Variants in GLI4 observed in about 807,000 individuals in gnomAD.
GLI4 encodes the protein zinc finger protein GLI4.
Under a neutral mutation model 30.9 loss-of-function variants are expected in GLI4, and 34 were observed. The ratio of observed to expected loss-of-function variants is 1.10; its 90% CI spans 0.84 to 1.47. The LOEUF (loss-of-function observed/expected upper bound fraction) is 1.47, where lower values mean the gene tolerates loss of function less well. GLI4 is among the 40% of genes most tolerant of loss of function. The pLI is 0.00. For synonymous variants in GLI4, 277 were observed against 236.7 expected, an observed-to-expected ratio of 1.17 and a Z score of -1.56; for missense variants, 696 against 538.9, an observed-to-expected ratio of 1.29 and a Z score of -2.89.
At chr8:143,270,018 G>T (rs1490183903) in intron 2 of GLI4, among the ~76,000 whole-genome samples, 12 of 152,220 alleles carry the variant, frequency 7.9e-5, no homozygotes, top group Admixed American at 7.8e-4. Context: ...AGGTGTGGGG[G>T]AGTCCCAGCC....
At chr8:143,272,093 G>A (rs1815280627) in intron 2 of GLI4, among the ~76,000 whole-genome samples, 1 of 152,232 alleles carries the variant, frequency 6.6e-6, no homozygotes. Flanking sequence ...TCCTGCGAGT[G>A]GAGGGGCAGT....
chr8:143,275,911 C>T lies in GLI4; in HGVS notation c.238C>T (p.Pro80Ser). Residue 80 changes from proline (P) to serine (S), a missense_variant, in exon 4 of 4, where the codon CCG (proline) becomes TCG (serine). Coordinates refer to ENST00000340042, the MANE Select transcript of GLI4 (RefSeq NM_138465.4). ...TCTCATTTCAGACTCCGAGCCCAAGCCGGAGCAGGCTCCACGCTCTCCTGG... is the reference window on the plus strand; with the variant it reads ...TCTCATTTCAGACTCCGAGCCCAAGTCGGAGCAGGCTCCACGCTCTCCTGG... The part of the protein sequence containing the change: ...DTFWPDSEPK[P>S]EQAPRSPGSQ... 7.7e-7 allele frequency: 1 copy of T among 1,297,906 alleles called. No homozygotes were observed. The highest frequency in any genetic ancestry group is 9.8e-7 in the Non-Finnish European group (1 of 1,020,710). 80.4% of individuals were successfully genotyped at this position (1,297,906 alleles called of 1,614,324 possible). A position where few individuals can be genotyped will look rare whatever the true frequency, so the allele number is the denominator to read the frequency against.
intron 1 of GLI4, 48 bp from the exon 2 acceptor site, chr8:143,269,312 G>A (rs930937432): frequency 2.4e-5 from 35 of 1,455,754 alleles, no homozygotes; most frequent in African/African-American, 1.5e-4. Flanking sequence ...CCATCCCCCC[G>A]ACATTCCTCC....
intron 3 of GLI4, chr8:143,275,533 C>G: frequency 7.9e-7 from 1 of 1,263,942 alleles, no homozygotes; most frequent in Non-Finnish European, 9.9e-7. Context: ...CCCTCTGGAG[C>G]TCTGGCGTCC....
chr8:143,267,973 G>A (rs1486558229), intron 1 of GLI4: 1 of 985,312 alleles, frequency 1.0e-6, no homozygotes, highest in Non-Finnish European at 1.2e-6. Context: ...CTTCAGTCTG[G>A]AGCTCAGAGT....
chr8:143,267,770 C>T (rs749103873), intron 1 of GLI4: 3 of 985,306 alleles, frequency 3.0e-6, no homozygotes, highest in South Asian at 4.7e-5. Context: ...TCGTCATCGC[C>T]ACTCTGCAGA....
At chr8:143,269,609 C>A in intron 2 of GLI4, 89 bp downstream of exon 2, 1 of 1,152,874 alleles carries the variant, frequency 8.7e-7, no homozygotes, top group Non-Finnish European at 1.3e-6. Context: ...GCCACGCTGG[C>A]TGACTTGAGA....
At chr8:143,269,669 C>T (rs1372404445) in intron 2 of GLI4, 149 bp downstream of exon 2, 2 of 720,358 alleles carry the variant, frequency 2.8e-6, no homozygotes, top group African/African-American at 3.5e-5. Context: ...GGGGTTCCCA[C>T]ACCCTCAGGC....
intron 1 of GLI4, 168 bp downstream of exon 1, chr8:143,267,652 G>T: frequency 1.7e-5 from 17 of 985,378 alleles, no homozygotes; most frequent in African/African-American, 1.7e-5. Flanking sequence ...AGCGGGGTGG[G>T]CTCCTGGGGG....
At chr8:143,268,227 G>T (rs1815183264) in intron 1 of GLI4, 1 of 316,098 alleles carries the variant, frequency 3.2e-6, no homozygotes, top group Non-Finnish European at 4.6e-6. Context: ...GGGCACTGGG[G>T]TGGCGGCCGT....
rs913001275 is a variant in GLI4 at position 143,267,510 on chromosome 8, G to GGCT, written c.-38+27_-38+29dup. On this transcript the variant is annotated intron_variant, in intron 1 of 3. Transcript: ENST00000340042. ...GTGAGTGGGCGCGGGCGGCGGCGGC[G>GGCT]GCTCCGGGTGCCTGGGACCAGCCCA... 78 of 985,922 alleles carry GGCT rather than the reference G, an allele frequency of 7.9e-5. No individual in the cohort carries two copies. The South Asian group carries it at 3.0e-3, about 38-fold the overall frequency. The allele number at this position is 985,922 out of a possible 1,614,324, so 61.1% of individuals were successfully genotyped here. A position where few individuals can be genotyped will look rare whatever the true frequency, so the allele number is the denominator to read the frequency against.
intron 2 of GLI4, 40 bp from the exon 3 acceptor site, chr8:143,274,664 C>A: frequency 6.6e-7 from 1 of 1,521,370 alleles, no homozygotes; most frequent in South Asian, 1.2e-5. Context: ...AGGCAGTGGT[C>A]CAGAGGGTGG....
intron 2 of GLI4, among the ~76,000 whole-genome samples, chr8:143,270,655 C>T (rs1469660038): frequency 6.6e-6 from 1 of 152,160 alleles, no homozygotes; most frequent in Non-Finnish European, 1.5e-5. Context: ...CCACCCTTGC[C>T]CTCTCATGTC....
Position 143,276,147 on chromosome 8 carries a change from G to C in GLI4, c.474G>C (p.Ala158=), listed in dbSNP as rs770218636. The C allele has an allele frequency of 6.5e-7, 1 of 1,545,434 alleles. No homozygotes were observed. The change falls in exon 4 of 4, where the codon GCG becomes GCC. Residue 158 remains alanine, a synonymous_variant. Transcript: ENST00000340042. The part of the protein sequence containing the change: ...VQQAAAGPEG[A]PERAAELGVN... ...AAGCAGCGGCCGGGCCCGAGGGTGCGCCCGAGCGGGCTGCCGAGCTGGGAG... is the reference window on the plus strand; with the variant it reads ...AAGCAGCGGCCGGGCCCGAGGGTGCCCCCGAGCGGGCTGCCGAGCTGGGAG...
At chr8:143,272,833 C>T (rs1244816698) in intron 2 of GLI4, among the ~76,000 whole-genome samples, 2 of 152,198 alleles carry the variant, frequency 1.3e-5, no homozygotes, top group East Asian at 1.9e-4. Flanking sequence ...CTGCACAGGG[C>T]AGTTCCCAGG....
At chr8:143,274,624 C>A in intron 2 of GLI4, 80 bp from the exon 3 acceptor site, 2 of 1,411,146 alleles carry the variant, frequency 1.4e-6, no homozygotes, top group Non-Finnish European at 1.9e-6. Context: ...GGCCACAGCC[C>A]GGGAGCACGT....
rs147839830 is a variant in GLI4 at position 143,276,651 on chromosome 8, C to T, written c.978C>T (p.Ser326=). The T allele has an allele frequency of 1.2e-6, 2 of 1,612,124 alleles. No homozygotes were observed. Among genetic ancestry groups the T allele is most frequent in the Admixed American group, 1.7e-5 (1 of 59,908 alleles). ...IHTGEKPYEC[S]DCGKAFRGRS... is the part of the protein sequence containing the mutation. ...CTGGCGAGAAGCCCTACGAGTGCTCCGACTGCGGCAAAGCCTTCCGCGGCC... is the reference window on the plus strand; with the variant it reads ...CTGGCGAGAAGCCCTACGAGTGCTCTGACTGCGGCAAAGCCTTCCGCGGCC... Residue 326 remains serine (S), a synonymous_variant, in exon 4 of 4, where the codon TCC becomes TCT. Coordinates refer to ENST00000340042, the MANE Select transcript of GLI4 (RefSeq NM_138465.4).
Position 143,276,720 on chromosome 8 carries a change from G to C in GLI4, c.1047G>C (p.Lys349Asn). Residue 349 changes from lysine (K) to asparagine (N), a missense_variant, in exon 4 of 4, where the codon AAG (lysine) becomes AAC (asparagine). Transcript: ENST00000340042. ...FRHLRTHTGE[K>N]PFACGACGKA... is the part of the protein sequence containing the mutation. ...ACCTGCGGACCCACACGGGCGAGAA[G>C]CCCTTCGCGTGTGGCGCCTGCGGCA... The C allele has an allele frequency of 6.2e-7, 1 of 1,610,526 alleles. No homozygotes were observed. Among genetic ancestry groups the C allele is most frequent in the Non-Finnish European group, 8.5e-7 (1 of 1,178,886 alleles).
rs1479538736 is a variant in GLI4 at position 143,276,364 on chromosome 8, C to A, written c.691C>A (p.Arg231Ser). Residue 231 changes from arginine to serine, a missense_variant, in exon 4 of 4, where the codon CGC (arginine) becomes AGC (serine). Arg to Ser is a moderately radical substitution (Grantham distance 110, BLOSUM62 -1). Transcript: ENST00000340042. The stretch of plus-strand genomic sequence containing the variant: ...CTGGTCGGGCTTCATCCAGCACCAC[C>A]GCATCCACACGGGCGAGAAGCCCTA... ...RGWSGFIQHH[R>S]IHTGEKPYEC... The A allele has an allele frequency of 3.1e-6, 5 of 1,611,294 alleles. No homozygotes were observed. The highest frequency in any genetic ancestry group is 3.4e-6 in the Non-Finnish European group (4 of 1,179,356).
Sources: allele counts gnomAD v4.1 joint callset (sites outside exome capture counted in the v4.1 genomes callset), GRCh38; gene constraint gnomAD v4.1.1; transcripts MANE v1.5; gene names NCBI Gene and HGNC (gene_info 2026-07-23, HGNC 2026-07-21).